Variants in CCT7 observed in about 807,000 individuals in gnomAD.
CCT7 encodes the protein T-complex protein 1 subunit eta.
Under a neutral mutation model 56.6 loss-of-function variants are expected in CCT7, and 16 were observed. The observed-to-expected ratio is 0.28, with a 90% CI of 0.19 to 0.43. CCT7 has a LOEUF of 0.43. CCT7 is among the 20% of genes least tolerant of loss of function. The pLI, the probability that CCT7 is intolerant of heterozygous loss-of-function variation, is 1.00. For missense variants in CCT7, 519 were observed against 685.6 expected, an observed-to-expected ratio of 0.76 and a Z score of 2.71; for synonymous variants, 262 against 254.8, an observed-to-expected ratio of 1.03 and a Z score of -0.27.
intron 11 of CCT7, 32 bp downstream of exon 11, chr2:73,251,464 T>G: frequency 6.4e-6 from 8 of 1,251,834 alleles, no homozygotes; most frequent in East Asian, 2.6e-5. Context: ...GGTTCAGGGT[T>G]TGGGCGGGTG....
At chr2:73,251,558 T>C (rs1366950615) in intron 11 of CCT7, 126 bp downstream of exon 11, 5 of 770,048 alleles carry the variant, frequency 6.5e-6, no homozygotes, top group Non-Finnish European at 1.1e-5. Context: ...CCCCAGCCTG[T>C]CTGCCTGACC....
intron 4 of CCT7, 147 bp downstream of exon 4, chr2:73,243,276 A>G (rs1311321538): frequency 4.9e-6 from 4 of 823,766 alleles, no homozygotes; most frequent in African/African-American, 1.7e-5. Flanking sequence ...TCTCAGTTCT[A>G]CTAATCTGTA....
chr2:73,236,560 C>T (rs1013002203), intron 1 of CCT7, among the ~76,000 whole-genome samples: 5 of 152,160 alleles, frequency 3.3e-5, no homozygotes, highest in African/African-American at 9.7e-5. Flanking sequence ...AGGCTGGTCT[C>T]GAACACCTGA....
chr2:73,251,577 C>T (rs1366411411), intron 11 of CCT7, 145 bp downstream of exon 11: 2 of 670,610 alleles, frequency 3.0e-6, no homozygotes, highest in Non-Finnish European at 5.2e-6. Flanking sequence ...CCAACTCCCT[C>T]CTCTGAGGGC....
At chr2:73,242,882 A>G in intron 3 of CCT7, 122 bp from the exon 4 acceptor site, 3 of 1,214,228 alleles carry the variant, frequency 2.5e-6, no homozygotes, top group Non-Finnish European at 3.5e-6. Context: ...TGCTTCCAGA[A>G]AAAAGCTTGA....
chr2:73,234,398 C>G lies in CCT7; in HGVS notation c.6+14C>G, dbSNP rs1442240630. ...TCCAAAATGATGGTGAGTGGCGTCT[C>G]GCGCATCCGTCGCCATCAGCTGCCA... On this transcript the variant is annotated intron_variant, in intron 1 of 11. Coordinates refer to ENST00000258091, the MANE Select transcript of CCT7 (RefSeq NM_006429.4). 2 of 1,613,116 alleles carry G rather than the reference C, an allele frequency of 1.2e-6. No homozygotes were observed. The highest frequency in any genetic ancestry group is 1.7e-6 in the Non-Finnish European group (2 of 1,179,884).
At position 73,247,836 on chromosome 2, in the gene CCT7, G is replaced by A; in HGVS notation, c.693G>A (p.Lys231=). The A allele has an allele frequency of 6.2e-7, 1 of 1,614,150 alleles. No homozygotes were observed. Among genetic ancestry groups the A allele is most frequent in the Admixed American group, 1.7e-5 (1 of 60,030 alleles). Residue 231 remains lysine (K), a synonymous_variant, in exon 7 of 12, where the codon AAG becomes AAA. Coordinates refer to ENST00000258091, the MANE Select transcript of CCT7 (RefSeq NM_006429.4). ...SYAGFEMQPK[K]YHNPKIALLN... ...CTGGGTTTGAAATGCAACCCAAAAAGTACCACAATCCCAAGATTGCCCTTT... is the reference window on the plus strand; with the variant it reads ...CTGGGTTTGAAATGCAACCCAAAAAATACCACAATCCCAAGATTGCCCTTT...
At chr2:73,248,088 G>C (rs1687421457) in intron 7 of CCT7, among the ~76,000 whole-genome samples, 162 bp downstream of exon 7, 1 of 152,148 alleles carries the variant, frequency 6.6e-6, no homozygotes, top group South Asian at 2.1e-4. Flanking sequence ...TGTTCTCCCT[G>C]AGTGACCTTG....
chr2:73,236,195 A>G, intron 1 of CCT7, among the ~76,000 whole-genome samples: 1 of 152,262 alleles, frequency 6.6e-6, no homozygotes, highest in East Asian at 1.9e-4. Context: ...GTGCCTTGGC[A>G]TAGACACACT....
In CCT7 at chr2:73,252,836, G is replaced by A. The variant is rs1409954422; in HGVS notation, c.1607G>A (p.Gly536Asp). The change falls in exon 12 of 12, where the codon GGC (glycine) becomes GAC (aspartate). Residue 536 changes from glycine (G) to aspartate (D), a missense_variant. Coordinates refer to ENST00000258091, the MANE Select transcript of CCT7 (RefSeq NM_006429.4). ...GATGCTCCCACAGCAGCAGGCCGGGGCCGTGGTCGTGGCCGCCCCCACTGA... is the reference window on the plus strand; with the variant it reads ...GATGCTCCCACAGCAGCAGGCCGGGACCGTGGTCGTGGCCGCCCCCACTGA... ...TVDAPTAAGR[G>D]RGRGRPH 1 of 1,613,746 alleles carries A rather than the reference G, an allele frequency of 6.2e-7. No individual in the cohort carries two copies. Among genetic ancestry groups the A allele is most frequent in the East Asian group, 2.2e-5 (1 of 44,872 alleles).
Position 73,248,936 on chromosome 2 carries a change from C to G in CCT7, c.784-55C>G, listed in dbSNP as rs567325076. On this transcript the variant is annotated intron_variant, in intron 7 of 11. Coordinates refer to ENST00000258091, the MANE Select transcript of CCT7 (RefSeq NM_006429.4). ...GGCAGATGGGTATATTTTACCCTAC[C>G]GTATATGTCAACCTTCACCCCAAAG... The G allele has an allele frequency of 2.1e-6, 3 of 1,441,822 alleles. No homozygotes were observed. In the African/African-American group the frequency reaches 4.2e-5, roughly 20 times the overall value. The allele number at this position is 1,441,822 out of a possible 1,614,324, so 89.3% of individuals were successfully genotyped here. A position where few individuals can be genotyped will look rare whatever the true frequency, so the allele number is the denominator to read the frequency against.
chr2:73,234,343 A>AG lies in CCT7; in HGVS notation c.-32dup. The stretch of plus-strand genomic sequence containing the variant: ...GCTGGGCGGCCCGGTCTCGGAGAAG[A>AG]GGGGAGAGTGGCGGGCCGCTGAATA... On this transcript the variant is annotated 5_prime_UTR_variant, in exon 1 of 12. Coordinates refer to ENST00000258091, the MANE Select transcript of CCT7 (RefSeq NM_006429.4). 6.2e-7 allele frequency: 1 copy of AG among 1,613,540 alleles called. No homozygotes were observed. Among genetic ancestry groups the AG allele is most frequent in the Non-Finnish European group, 8.5e-7 (1 of 1,179,732 alleles).
Position 73,244,707 on chromosome 2 carries a change from G to A in CCT7, c.610G>A (p.Ala204Thr). 6.2e-7 allele frequency: 1 copy of A among 1,610,770 alleles called. No individual in the cohort carries two copies. The highest frequency in any genetic ancestry group is 1.1e-5 in the South Asian group (1 of 90,612). The change falls in exon 6 of 12, where the codon GCC (alanine) becomes ACC (threonine). Residue 204 changes from alanine (A) to threonine (T), a missense_variant. By Grantham distance (58) the Ala-to-Thr change is moderately conservative. Coordinates refer to ENST00000258091, the MANE Select transcript of CCT7 (RefSeq NM_006429.4). ...MIGIKKVQGG[A>T]LEDSQLVAGV... ...TGGAATCAAGAAGGTACAGGGTGGA[G>A]CCCTCGAGGTAAGCCTGCTGTGGCC...
chr2:73,242,833 A>G, intron 3 of CCT7, 171 bp from the exon 4 acceptor site: 1 of 696,066 alleles, frequency 1.4e-6, no homozygotes, highest in East Asian at 2.7e-5. Context: ...ATGGATATGT[A>G]ACTACCATTA....
At chr2:73,244,135 A>C (rs1687231824) in intron 5 of CCT7, 86 bp downstream of exon 5, 2 of 1,307,192 alleles carry the variant, frequency 1.5e-6, no homozygotes, top group South Asian at 1.3e-5. Flanking sequence ...CTACTGGCTC[A>C]AGTGATCTCC....
intron 1 of CCT7, among the ~76,000 whole-genome samples, chr2:73,238,780 G>T (rs1686982099): frequency 6.6e-6 from 1 of 152,200 alleles, no homozygotes; most frequent in Non-Finnish European, 1.5e-5. Flanking sequence ...AGTCTGGTTT[G>T]CTAAGCTGAG....
chr2:73,251,478 C>A, intron 11 of CCT7, 46 bp downstream of exon 11: 2 of 1,410,730 alleles, frequency 1.4e-6, no homozygotes, highest in South Asian at 1.2e-5. Context: ...GCGGGTGGGG[C>A]TAGATTCTGA....
chr2:73,235,536 C>G (rs1014041628), intron 1 of CCT7: 11 of 1,001,738 alleles, frequency 1.1e-5, no homozygotes, highest in African/African-American at 1.7e-5. Flanking sequence ...TTCCTCTCCC[C>G]TTTATGTCTC....
intron 8 of CCT7, among the ~76,000 whole-genome samples, 154 bp from the exon 9 acceptor site, chr2:73,249,665 G>A (rs1229669980): frequency 6.6e-6 from 1 of 151,862 alleles, no homozygotes; most frequent in Non-Finnish European, 1.5e-5. Context: ...TGCTCTTTCA[G>A]AGAGGGGGAA....
Sources: allele counts gnomAD v4.1 joint callset (sites outside exome capture counted in the v4.1 genomes callset), GRCh38; gene constraint gnomAD v4.1.1; transcripts MANE v1.5; gene names NCBI Gene and HGNC (gene_info 2026-07-23, HGNC 2026-07-21).